POLM: variants seen among roughly 807,000 people sequenced by gnomAD.
POLM encodes the protein DNA polymerase mu, also known as DNA-directed DNA/RNA polymerase mu.
Under a neutral mutation model 56.7 loss-of-function variants are expected in POLM, and 52 were observed. The ratio of observed to expected loss-of-function variants is 0.92; its 90% confidence interval spans 0.73 to 1.15. The LOEUF (loss-of-function observed/expected upper bound fraction) is 1.15. POLM is among the 50% of genes most tolerant of loss of function. The pLI is 0.00. For missense variants in POLM, 660 were observed against 663.6 expected (o/e 0.99, Z 0.06); for synonymous variants, 273 against 274.3 (o/e 1.00, Z 0.05).
chr7:44,081,580 C>T (rs2096200054), intron 1 of POLM, among the ~76,000 whole-genome samples: 1 of 152,116 alleles, frequency 6.6e-6, no homozygotes, highest in South Asian at 2.1e-4. Flanking sequence ...TCTCTGTAGC[C>T]GCCATTTTTT....
At chr7:44,081,245 A>G (rs2096198915) in intron 1 of POLM, among the ~76,000 whole-genome samples, 1 of 152,224 alleles carries the variant, frequency 6.6e-6, no homozygotes, top group Non-Finnish European at 1.5e-5. Context: ...GTTTCAGCAG[A>G]GATGGAGGAG....
Position 44,079,575 on chromosome 7 carries a change from A to T in POLM, c.638T>A (p.Val213Asp). The T allele has an allele frequency of 7.0e-7, 1 of 1,430,782 alleles. No homozygotes were observed. The highest frequency in any genetic ancestry group is 9.5e-7 in the Non-Finnish European group (1 of 1,056,904). 88.6% of individuals were successfully genotyped at this position (1,430,782 alleles called of 1,614,324 possible). ...GCTAGGATGGTAAGCACCTACCTGG[A>T]CAACCCTAGAGGAGTGTTCTCCAAA... ...PHFGEHSSRV[V>D]QELLEHGVCE... Residue 213 changes from valine (V) to aspartate (D), a missense_variant, in exon 4 of 11, where the codon GTC becomes GAC. Physicochemically the swap from Val to Asp is radical, Grantham distance 152. Transcript: ENST00000242248.
chr7:44,076,703 G>C, intron 5 of POLM, 74 bp from the exon 6 acceptor site: 1 of 1,580,250 alleles, frequency 6.3e-7, no homozygotes, highest in Non-Finnish European at 8.6e-7. Flanking sequence ...GCTCCGGGAC[G>C]GTGTGGCCCA....
In POLM at chr7:44,074,191, G is replaced by A; in HGVS notation, c.1011C>T (p.His337=). Residue 337 remains histidine (H), a synonymous_variant, in exon 8 of 11, where the codon CAC becomes CAT. Transcript: ENST00000242248. ...QGHDVDFLIT[H]PKEGQEAGLL... ...GCCCCGCCTCCTGACCCTCCTTGGGGTGGGTGATGAGGAAGTCCACGTCAT... is the reference window on the plus strand; with the variant it reads ...GCCCCGCCTCCTGACCCTCCTTGGGATGGGTGATGAGGAAGTCCACGTCAT... 1 of 1,599,726 alleles carries A rather than the reference G, an allele frequency of 6.3e-7. No individual in the cohort carries two copies. Among genetic ancestry groups the A allele is most frequent in the Non-Finnish European group, 8.5e-7 (1 of 1,173,486 alleles).
intron 5 of POLM, chr7:44,078,445 G>C: frequency 5.3e-6 from 2 of 378,230 alleles, no homozygotes; most frequent in Non-Finnish European, 9.9e-6. Flanking sequence ...CAGCCTGGGC[G>C]ACAGAGCGAG....
At position 44,074,473 on chromosome 7, in the gene POLM, A is replaced by G; in HGVS notation, c.893T>C (p.Leu298Pro). Reference sequence around the variant, plus strand: ...CACAGCTTCCTCCACCACCTGCTGCAGGGCATCTACATCGGACCGCAGGAC... The same window carrying G: ...CACAGCTTCCTCCACCACCTGCTGCGGGGCATCTACATCGGACCGCAGGAC... ...TPVLRSDVDA[L>P]QQVVEEAVGQ... The change falls in exon 7 of 11, where the codon CTG (leucine) becomes CCG (proline). Residue 298 changes from leucine to proline, a missense_variant. Transcript: ENST00000242248. The G allele has an allele frequency of 6.3e-7, 1 of 1,596,532 alleles. No individual in the cohort carries two copies. The highest frequency in any genetic ancestry group is 8.5e-7 in the Non-Finnish European group (1 of 1,172,144).
rs750438007 is a variant in POLM at position 44,076,541 on chromosome 7, T to C, written c.803A>G (p.Gln268Arg). ...CTGCTGTTGGGTTAGTTTCTGGGGCTGCTCTCGGAGGTCATCTAAGGTTCG... is the reference window on the plus strand; with the variant it reads ...CTGCTGTTGGGTTAGTTTCTGGGGCCGCTCTCGGAGGTCATCTAAGGTTCG... ...GLRTLDDLRE[Q>R]PQKLTQQQKA... The change falls in exon 6 of 11, where the codon CAG becomes CGG. Residue 268 changes from glutamine to arginine, a missense_variant. By Grantham distance (43) the Gln-to-Arg change is conservative. Coordinates refer to ENST00000242248, the MANE Select transcript of POLM (RefSeq NM_013284.4). The C allele has an allele frequency of 1.2e-6, 2 of 1,614,028 alleles. No individual in the cohort carries two copies. Among genetic ancestry groups the C allele is most frequent in the Admixed American group, 1.7e-5 (1 of 60,004 alleles).
chr7:44,077,781 C>T (rs192242342), intron 5 of POLM, among the ~76,000 whole-genome samples: 33 of 152,350 alleles, frequency 2.2e-4, no homozygotes, highest in Admixed American at 1.9e-3. Flanking sequence ...GAAGCCCTCC[C>T]TGTCAATCCT....
chr7:44,078,651 CT>C (rs759852964), intron 5 of POLM, 88 bp downstream of exon 5: 27 of 1,227,646 alleles, frequency 2.2e-5, no homozygotes, highest in Admixed American at 8.7e-5. Context: ...TCAGCTGCCC[CT>C]GTTTGCCTCC....
intron 7 of POLM, 81 bp downstream of exon 7, chr7:44,074,317 C>T (rs979733992): frequency 1.4e-5 from 22 of 1,542,700 alleles, no homozygotes; most frequent in South Asian, 7.2e-5. Context: ...CGAGTGGGCC[C>T]GCTTCAGGGT....
At chr7:44,079,983 C>G (rs759764495) in intron 2 of POLM, 24 bp from the exon 3 acceptor site, 25 of 1,529,050 alleles carry the variant, frequency 1.6e-5, no homozygotes, top group Non-Finnish European at 2.3e-5. Context: ...ATAAACAGGT[C>G]ACTGTGAGGC....
At chr7:44,078,911 A>G (rs1050522430) in intron 4 of POLM, 100 bp from the exon 5 acceptor site, 9 of 904,296 alleles carry the variant, frequency 1.0e-5, no homozygotes, top group Non-Finnish European at 1.5e-5. Context: ...GGACTGAGGC[A>G]GTCCCCTCCA....
intron 10 of POLM, 93 bp downstream of exon 10, chr7:44,073,531 GT>G: frequency 6.3e-7 from 1 of 1,599,448 alleles, no homozygotes; most frequent in Non-Finnish European, 8.5e-7. Context: ...GGTCCTATGG[GT>G]TTCAGGCTGG....
At position 44,082,383 on chromosome 7, in the gene POLM, G is replaced by T. The variant is rs924208905; in HGVS notation, c.56C>A (p.Ser19Tyr). 1.3e-6 allele frequency: 2 copies of T among 1,532,134 alleles called. No homozygotes were observed. The highest frequency in any genetic ancestry group is 2.1e-5 in the Admixed American group (1 of 46,688). 94.9% of individuals were successfully genotyped at this position (1,532,134 alleles called of 1,614,324 possible). A position where few individuals can be genotyped will look rare whatever the true frequency, so the allele number is the denominator to read the frequency against. The change falls in exon 1 of 11, where the codon TCC (serine) becomes TAC (tyrosine). Residue 19 changes from serine (S) to tyrosine (Y), a missense_variant. Coordinates refer to ENST00000242248, the MANE Select transcript of POLM (RefSeq NM_013284.4). ...GAAGCGCGTCGAGGGCGGCGTGGAG[G>T]AAGCGGCATCGCCGCTAGGGGACCC... ...RVGSPSGDAA[S>Y]STPPSTRFPG...
chr7:44,078,927 C>T (rs561670680), intron 4 of POLM, 116 bp from the exon 5 acceptor site: 20 of 744,488 alleles, frequency 2.7e-5, no homozygotes, highest in African/African-American at 8.8e-5. Context: ...CTCCAACACC[C>T]GGCAGAGACA....
rs1387489302 is a variant in POLM at position 44,074,494 on chromosome 7, A to G, written c.872T>C (p.Leu291Pro). 5.6e-6 allele frequency: 9 copies of G among 1,597,668 alleles called. No individual in the cohort carries two copies. The South Asian group carries it at 9.1e-5, about 16-fold the overall frequency. ...QHHQDLSTPV[L>P]RSDVDALQQV... Reference sequence around the variant, plus strand: ...CTGCAGGGCATCTACATCGGACCGCAGGACTGGGGTGCTCAGGTCCTGGTG... The same window carrying G: ...CTGCAGGGCATCTACATCGGACCGCGGGACTGGGGTGCTCAGGTCCTGGTG... Residue 291 changes from leucine (L) to proline (P), a missense_variant, in exon 7 of 11, where the codon CTG (leucine) becomes CCG (proline). By Grantham distance (98) the Leu-to-Pro change is moderately conservative. Coordinates refer to ENST00000242248, the MANE Select transcript of POLM (RefSeq NM_013284.4).
In POLM at chr7:44,074,144, C is replaced by T. The variant is rs139371867; in HGVS notation, c.1058G>A (p.Arg353His). The T allele has an allele frequency of 1.8e-3, 2,864 of 1,604,204 alleles. 2 individuals carry two copies. The highest frequency in any genetic ancestry group is 2.2e-3 in the Non-Finnish European group (2,594 of 1,176,866). Residue 353 changes from arginine to histidine, a missense_variant, in exon 8 of 11, where the codon CGC (arginine) becomes CAC (histidine). Physicochemically the swap from Arg to His is conservative, Grantham distance 29. Coordinates refer to ENST00000242248, the MANE Select transcript of POLM (RefSeq NM_013284.4). ...EAGLLPRVMC[R>H]LQDQGLILYH... The stretch of plus-strand genomic sequence containing the variant: ...GGAGGCCCTCACCTGGTCCTGCAGG[C>T]GGCACATCACTCTAGGCAGCAGCCC...
At chr7:44,079,295 C>T (rs1270460858) in intron 4 of POLM, among the ~76,000 whole-genome samples, 1 of 152,204 alleles carries the variant, frequency 6.6e-6, no homozygotes, top group Non-Finnish European at 1.5e-5. Context: ...CTGTGGAGGG[C>T]AGTTTGGGAC....
intron 7 of POLM, 79 bp from the exon 8 acceptor site, chr7:44,074,312 G>A: frequency 6.5e-7 from 1 of 1,542,776 alleles, no homozygotes; most frequent in Non-Finnish European, 8.8e-7. Flanking sequence ...TCCAACGAGT[G>A]GGCCCGCTTC....
Sources: gnomAD v4.1 joint callset for allele counts (sites outside exome capture counted in the v4.1 genomes callset) on GRCh38, gnomAD v4.1.1 for gene constraint, MANE v1.5 for transcripts, NCBI Gene and HGNC (gene_info 2026-07-23, HGNC 2026-07-21) for gene names.